OTULIN: variants seen among roughly 807,000 people sequenced by gnomAD.
The protein encoded by OTULIN is ubiquitin thioesterase otulin.
A neutral mutation model predicts 39.6 loss-of-function variants in OTULIN; 15 were observed. The observed-to-expected ratio is 0.38, with a 90% confidence interval of 0.25 to 0.58. The LOEUF is 0.58. OTULIN is among the 20% of genes least tolerant of loss of function. OTULIN has a pLI of 0.66. For synonymous variants in OTULIN, 156 were observed against 170.3 expected (o/e 0.92, Z 0.65); for missense variants, 319 against 445.9 (o/e 0.72, Z 2.56).
At chr5:14,673,091 T>G (rs1324558277) in intron 1 of OTULIN, among the ~76,000 whole-genome samples, 1 of 152,134 alleles carries the variant, frequency 6.6e-6, no homozygotes, top group Non-Finnish European at 1.5e-5. Flanking sequence ...CATGGGTGGC[T>G]GGTTGATTGT....
intron 2 of OTULIN, among the ~76,000 whole-genome samples, chr5:14,676,601 G>A (rs901429087): frequency 1.3e-5 from 2 of 152,206 alleles, no homozygotes; most frequent in Admixed American, 1.3e-4. Context: ...CTCAGTCATG[G>A]GGTGCTGGGC....
chr5:14,676,111 G>A (rs1046170673), intron 2 of OTULIN, among the ~76,000 whole-genome samples: 1 of 152,122 alleles, frequency 6.6e-6, no homozygotes, highest in African/African-American at 2.4e-5. Flanking sequence ...CTGCTTTCCG[G>A]AGGGGTTTCA....
intron 6 of OTULIN, among the ~76,000 whole-genome samples, chr5:14,691,750 G>A (rs1240966042): frequency 1.3e-5 from 2 of 152,084 alleles, no homozygotes; most frequent in Non-Finnish European, 1.5e-5. Context: ...TAACCACTTT[G>A]TCTTCTTTCT....
intron 1 of OTULIN, among the ~76,000 whole-genome samples, chr5:14,671,066 G>A (rs780501026): frequency 2.0e-5 from 3 of 151,972 alleles, no homozygotes; most frequent in Non-Finnish European, 2.9e-5. Context: ...GTAATTTCCC[G>A]TTCAGCTTCC....
intron 4 of OTULIN, among the ~76,000 whole-genome samples, chr5:14,682,367 G>A (rs148385984): frequency 9.8e-4 from 149 of 152,226 alleles, no homozygotes; most frequent in African/African-American, 3.4e-3. Context: ...ATCTTCAACA[G>A]CCACCACCCT....
At chr5:14,680,289 T>C (rs1177491754) in intron 3 of OTULIN, among the ~76,000 whole-genome samples, 1 of 152,146 alleles carries the variant, frequency 6.6e-6, no homozygotes, top group East Asian at 1.9e-4. Context: ...CTCAAAATGT[T>C]GTTATTGGGG....
the OTULIN span, among the ~76,000 whole-genome samples, chr5:14,715,756 AATC>A: frequency 6.6e-6 from 1 of 152,234 alleles, no homozygotes. Context: ...GTTGTATACT[AATC>A]AACCATTCTG....
chr5:14,711,385 A>G, the OTULIN span: 425 of 1,314,828 alleles, frequency 3.2e-4, 4 homozygotes, highest in African/African-American at 5.2e-3. Flanking sequence ...GCAGGGAGAC[A>G]ACACCGGGGT....
chr5:14,711,389 C>A, the OTULIN span: 419 of 1,298,642 alleles, frequency 3.2e-4, 4 homozygotes, highest in African/African-American at 5.2e-3. Flanking sequence ...GGAGACAACA[C>A]CGGGGTCTTG....
intron 1 of OTULIN, among the ~76,000 whole-genome samples, chr5:14,665,911 T>C (rs933576746): frequency 6.6e-6 from 1 of 152,250 alleles, no homozygotes; most frequent in Non-Finnish European, 1.5e-5. Flanking sequence ...TATTCACACT[T>C]AATGGGTTAA....
chr5:14,667,912 C>T (rs1735890860), intron 1 of OTULIN, among the ~76,000 whole-genome samples: 4 of 152,188 alleles, frequency 2.6e-5, no homozygotes, highest in Admixed American at 2.0e-4. Context: ...CCTGCTCACT[C>T]CACCCCCAAT....
At chr5:14,672,304 G>A (rs972324194) in intron 1 of OTULIN, among the ~76,000 whole-genome samples, 1 of 152,266 alleles carries the variant, frequency 6.6e-6, no homozygotes, top group South Asian at 2.1e-4. Flanking sequence ...TTGGTTCCCT[G>A]AGTGGGAACC....
chr5:14,708,229 C>T, the OTULIN span: 2 of 152,224 alleles, frequency 1.3e-5, no homozygotes, highest in Non-Finnish European at 1.5e-5. Flanking sequence ...AAAACCCTTA[C>T]TATTTCCTAT....
intron 1 of OTULIN, among the ~76,000 whole-genome samples, chr5:14,671,880 T>C (rs1006209057): frequency 1.3e-5 from 2 of 152,232 alleles, no homozygotes; most frequent in South Asian, 4.1e-4. Flanking sequence ...TTATTTTCCA[T>C]GTATCTGTTT....
chr5:14,673,856 T>C, intron 2 of OTULIN, 138 bp downstream of exon 2: 1 of 632,410 alleles, frequency 1.6e-6, no homozygotes, highest in Non-Finnish European at 2.6e-6. Flanking sequence ...ATTGTTTTGC[T>C]GAAGTATGTT....
At chr5:14,712,449 G>A in the OTULIN span, among the ~76,000 whole-genome samples, 2 of 152,242 alleles carry the variant, frequency 1.3e-5, no homozygotes, top group South Asian at 4.1e-4. Context: ...CTCCGCCCAT[G>A]ACCAGAGAGG....
the OTULIN span, chr5:14,711,080 T>G: frequency 2.1e-6 from 2 of 931,594 alleles, no homozygotes; most frequent in South Asian, 1.3e-5. Flanking sequence ...TCAAGGCCTC[T>G]TTCATTACCA....
chr5:14,671,361 TC>T (rs1241685944), intron 1 of OTULIN, among the ~76,000 whole-genome samples: 4 of 152,212 alleles, frequency 2.6e-5, no homozygotes, highest in African/African-American at 9.7e-5. Context: ...CCTCTTCCAG[TC>T]TTCTCATTTT....
intron 4 of OTULIN, 142 bp downstream of exon 4, chr5:14,681,749 G>T: frequency 1.0e-6 from 1 of 983,176 alleles, no homozygotes; most frequent in Non-Finnish European, 1.4e-6. Flanking sequence ...GTGTGGCTGG[G>T]GTGATTTCAC....
Sources: gnomAD v4.1 joint callset for allele counts (sites outside exome capture counted in the v4.1 genomes callset) on GRCh38, gnomAD v4.1.1 for gene constraint, MANE v1.5 for transcripts, NCBI Gene and HGNC (gene_info 2026-07-23, HGNC 2026-07-21) for gene names.